The following PSMD1 variants were observed in gnomAD, a reference collection of about 807,000 sequenced individuals.
PSMD1 encodes proteasome 26S subunit, non-ATPase 1.
A neutral mutation model predicts 119.0 loss-of-function variants in PSMD1; 18 were observed. That is an observed-to-expected ratio of 0.15 (90% CI 0.10 to 0.22). The LOEUF (loss-of-function observed/expected upper bound fraction) is 0.22, where lower values mean the gene tolerates loss of function less well. Ranked by LOEUF, PSMD1 falls within the 10% of genes least tolerant of loss-of-function variation. The probability of loss-of-function intolerance (pLI) is 1.00; values close to 1 mark genes in which losing one functional copy is unlikely to be tolerated. For synonymous variants in PSMD1, 374 were observed against 396.6 expected, an observed-to-expected ratio of 0.94 and a Z score of 0.68; for missense variants, 702 against 1,158.5, an observed-to-expected ratio of 0.61 and a Z score of 5.72.
intron 15 of PSMD1, 111 bp from the exon 16 acceptor site, chr2:231,087,006 C>A: frequency 1.4e-6 from 1 of 729,968 alleles, no homozygotes; most frequent in South Asian, 1.8e-5. Context: ...TTTTGATATA[C>A]CTATCAGTAG....
intron 6 of PSMD1, among the ~76,000 whole-genome samples, chr2:231,070,505 A>G (rs1038975992): frequency 4.6e-5 from 7 of 152,144 alleles, no homozygotes; most frequent in African/African-American, 1.2e-4. Context: ...ATGCTATACT[A>G]TATCATTCTA....
At chr2:231,078,862 T>C in intron 10 of PSMD1, 115 bp downstream of exon 10, 1 of 655,502 alleles carries the variant, frequency 1.5e-6, no homozygotes, top group Non-Finnish European at 2.4e-6. Flanking sequence ...TGATGCGATC[T>C]CGGCTCACTG....
rs111581018 is a variant in PSMD1 at position 231,093,081 on chromosome 2, G to A, written c.1883+5900G>A. Among the ~76,000 whole-genome samples, 124 of 152,260 alleles carry A rather than the reference G, an allele frequency of 8.1e-4. No homozygotes were observed. The South Asian group carries it at 9.8e-3, about 12-fold the overall frequency. ...TATGTTATTAGAGGTTGGGAAGGGGGTGTCTGCCCAAGTAACAGGGCAAAA... is the reference window on the plus strand; with the variant it reads ...TATGTTATTAGAGGTTGGGAAGGGGATGTCTGCCCAAGTAACAGGGCAAAA... On this transcript the variant is annotated intron_variant, in intron 16 of 24. Coordinates refer to ENST00000308696, the MANE Select transcript of PSMD1 (RefSeq NM_002807.4).
chr2:231,130,618 C>T (rs908431591), intron 16 of PSMD1, among the ~76,000 whole-genome samples: 2 of 152,080 alleles, frequency 1.3e-5, no homozygotes, highest in African/African-American at 4.8e-5. Context: ...CCTCCATCCC[C>T]GGCTAATTTT....
At chr2:231,061,239 T>A (rs1402253021) in intron 1 of PSMD1, 28 bp from the exon 2 acceptor site, 3 of 1,557,204 alleles carry the variant, frequency 1.9e-6, no homozygotes, top group Non-Finnish European at 2.6e-6. Context: ...ATGTGTTTCA[T>A]AATCATGTTA....
rs1696885178 is a variant in PSMD1, at chr2:231,170,297, G to C, written c.2716-269G>C. ...AGTGAGACTGAGGCTGGTAGTCAAG[G>C]CCATGGCTGGGAAATAACTATTCTT... On this transcript the variant is annotated intron_variant, in intron 23 of 24. Coordinates refer to ENST00000308696, the MANE Select transcript of PSMD1 (RefSeq NM_002807.4). This position sits in a 1 kb window ranked among gnomAD's most constrained non-coding sequence, Gnocchi z 4.1. The C allele has an allele frequency of 3.1e-6, 1 of 318,996 alleles. No homozygotes were observed. Among genetic ancestry groups the C allele is most frequent in the East Asian group, 5.2e-5 (1 of 19,404 alleles). The allele number at this position is 318,996 out of a possible 1,614,324, so 19.8% of individuals were successfully genotyped here. A position where few individuals can be genotyped will look rare whatever the true frequency, so the allele number is the denominator to read the frequency against.
intron 17 of PSMD1, among the ~76,000 whole-genome samples, chr2:231,142,112 A>C (rs1008263487): frequency 6.6e-6 from 1 of 151,880 alleles, no homozygotes; most frequent in Admixed American, 6.6e-5. Context: ...CGAACTCCTG[A>C]CCTCAGGTTG....
intron 21 of PSMD1, 33 bp downstream of exon 21, chr2:231,163,760 A>T (rs1324319250): frequency 6.8e-7 from 1 of 1,480,616 alleles, no homozygotes; most frequent in Non-Finnish European, 9.4e-7. Context: ...CAGCATTTGT[A>T]CTTAAATATA....
At chr2:231,122,881 C>T (rs1695594521) in intron 16 of PSMD1, among the ~76,000 whole-genome samples, 1 of 152,090 alleles carries the variant, frequency 6.6e-6, no homozygotes, top group Admixed American at 6.5e-5. Context: ...TAACATGACA[C>T]ATATGTAGGA....
chr2:231,074,700 T>C (rs10188838), intron 7 of PSMD1, among the ~76,000 whole-genome samples: 1,594 of 152,306 alleles, frequency 0.01, 36 homozygotes, highest in African/African-American at 0.036. Flanking sequence ...CTGTAGCTTA[T>C]TTTTACTGAA....
At chr2:231,058,317 A>G (rs1175201758) in intron 1 of PSMD1, among the ~76,000 whole-genome samples, 1 of 152,154 alleles carries the variant, frequency 6.6e-6, no homozygotes, top group Non-Finnish European at 1.5e-5. Flanking sequence ...TATCAGCCTT[A>G]AGGCTTTGTT....
chr2:231,146,576 G>A (rs1252813314), intron 18 of PSMD1, among the ~76,000 whole-genome samples: 3 of 152,146 alleles, frequency 2.0e-5, no homozygotes, highest in African/African-American at 7.2e-5. Context: ...GTTAATTTAA[G>A]TATATAACCA....
rs887298500 is a variant in PSMD1, at chr2:231,170,094, A to C, written c.2716-472A>C. 6.6e-6 allele frequency among the ~76,000 whole-genome samples: 1 copy of C among 152,218 alleles called. No individual in the cohort carries two copies. Among genetic ancestry groups the C allele is most frequent in the African/African-American group, 2.4e-5 (1 of 41,446 alleles). ...TGCATTAGACTGCTTCTCAAACTTCAGTGTGCATCAGATTGACTGGGATCT... is the reference window on the plus strand; with the variant it reads ...TGCATTAGACTGCTTCTCAAACTTCCGTGTGCATCAGATTGACTGGGATCT... On this transcript the variant is annotated intron_variant, in intron 23 of 24. Coordinates refer to ENST00000308696, the MANE Select transcript of PSMD1 (RefSeq NM_002807.4). This position sits in a 1 kb window ranked among gnomAD's most constrained non-coding sequence, Gnocchi z 4.1.
intron 7 of PSMD1, 79 bp from the exon 8 acceptor site, chr2:231,075,432 A>T: frequency 7.8e-7 from 1 of 1,289,858 alleles, no homozygotes; most frequent in South Asian, 1.4e-5. Flanking sequence ...AAAATATTCA[A>T]TTTGGACATG....
chr2:231,166,109 G>T, intron 23 of PSMD1, 92 bp downstream of exon 23: 1 of 1,241,234 alleles, frequency 8.1e-7, no homozygotes. Context: ...AATCTCCAAA[G>T]CATTGGAGCA....
chr2:231,078,546 G>T, intron 9 of PSMD1, 113 bp from the exon 10 acceptor site: 3 of 561,508 alleles, frequency 5.3e-6, no homozygotes, highest in Non-Finnish European at 8.8e-6. Context: ...TTAAATCTCA[G>T]TTCAGTTTGT....
intron 16 of PSMD1, among the ~76,000 whole-genome samples, chr2:231,127,336 T>G (rs371645561): frequency 6.6e-6 from 1 of 151,806 alleles, no homozygotes; most frequent in African/African-American, 2.4e-5. Flanking sequence ...AGTAGAGACT[T>G]GTACCTTTTT....
rs554269877 is a variant in PSMD1, at chr2:231,091,171, G to A, written c.1883+3990G>A. ...ATTTAGTACAGATTTAATGAGAAAGGCTTGGAGCAAACACAATTTGTGGGT... is the reference window on the plus strand; with the variant it reads ...ATTTAGTACAGATTTAATGAGAAAGACTTGGAGCAAACACAATTTGTGGGT... On this transcript the variant is annotated intron_variant, in intron 16 of 24. Coordinates refer to ENST00000308696, the MANE Select transcript of PSMD1 (RefSeq NM_002807.4). 2.0e-5 allele frequency among the ~76,000 whole-genome samples: 3 copies of A among 152,280 alleles called. No individual in the cohort carries two copies. In the South Asian group the frequency reaches 6.2e-4, roughly 32 times the overall value.
At chr2:231,079,307 T>C (rs553790769) in intron 10 of PSMD1, among the ~76,000 whole-genome samples, 1 of 152,340 alleles carries the variant, frequency 6.6e-6, no homozygotes, top group South Asian at 2.1e-4. Flanking sequence ...TAAAATTTTA[T>C]ATAATTTTGT....
Sources: gnomAD v4.1 joint callset for allele counts (sites outside exome capture counted in the v4.1 genomes callset) on GRCh38, gnomAD v4.1.1 for gene constraint, Gnocchi (gnomAD v3.1) non-coding constraint, MANE v1.5 for transcripts, NCBI Gene and HGNC (gene_info 2026-07-23, HGNC 2026-07-21) for gene names.